LRP2: variants seen among roughly 807,000 people sequenced by gnomAD.
The protein encoded by LRP2 is low-density lipoprotein receptor-related protein 2.
LRP2 carries 172 observed loss-of-function variants against 531.0 expected under a neutral mutation model. The observed-to-expected ratio is 0.32, with a 90% CI of 0.29 to 0.37. LRP2 has a LOEUF of 0.37. Among genes scored for constraint, LRP2 ranks in the 10% least tolerant of loss-of-function variants. The pLI is 1.00. For synonymous variants in LRP2, 1,992 were observed against 2,027.6 expected, an observed-to-expected ratio of 0.98 and a Z score of 0.47; for missense variants, 5,167 against 5,868.3, an observed-to-expected ratio of 0.88 and a Z score of 3.90.
chr2:169,205,350 T>A (rs138583897), intron 41 of LRP2, 129 bp downstream of exon 41: 7 of 1,009,802 alleles, frequency 6.9e-6, no homozygotes, highest in Non-Finnish European at 1.1e-5. Context: ...TTCCTAAAAC[T>A]GTGATTCTAT....
chr2:169,170,033 A>G (rs1244745049), intron 59 of LRP2, among the ~76,000 whole-genome samples: 1 of 152,238 alleles, frequency 6.6e-6, no homozygotes, highest in Non-Finnish European at 1.5e-5. Context: ...GCTCCCTAAT[A>G]TTAAATAATC....
chr2:169,148,446 A>G (rs1350621005), intron 68 of LRP2, among the ~76,000 whole-genome samples: 1 of 152,194 alleles, frequency 6.6e-6, no homozygotes, highest in African/African-American at 2.4e-5. Flanking sequence ...AAGTTGTATC[A>G]TACCATACAT....
Position 169,334,656 on chromosome 2 carries a change from C to T in LRP2, c.80-13772G>A, listed in dbSNP as rs531519385. On this transcript the variant is annotated intron_variant, in intron 1 of 78. Coordinates refer to ENST00000649046, the MANE Select transcript of LRP2 (RefSeq NM_004525.3). ...AAGCACTGACTGTCCCTGTGTCATT[C>T]CAAACTCTAAGTTCCATGAGGGCAG... Among the ~76,000 whole-genome samples the T allele has an allele frequency of 2.0e-5, 3 of 152,332 alleles. No individual in the cohort carries two copies. The South Asian group carries it at 6.2e-4, about 32-fold the overall frequency.
At chr2:169,235,755 A>T in intron 29 of LRP2, 85 bp downstream of exon 29, 4 of 1,064,030 alleles carry the variant, frequency 3.8e-6, no homozygotes, top group Non-Finnish European at 5.7e-6. Context: ...CACAAAAATT[A>T]ATTTCTTAGC....
In LRP2 at chr2:169,238,217, T is replaced by C; in HGVS notation, c.4380A>G (p.Ser1460=). The change falls in exon 27 of 79, where the codon TCA becomes TCG. Residue 1460 remains serine (S), a synonymous_variant. Transcript: ENST00000649046. ...SVTSQVHNIY[S]LVENGSYIVA... ...CAATGTAAGAACCATTCTCGACCAATGAATAGATATTGTGGACCTGGGAGG... is the reference window on the plus strand; with the variant it reads ...CAATGTAAGAACCATTCTCGACCAACGAATAGATATTGTGGACCTGGGAGG... 6.2e-7 allele frequency: 1 copy of C among 1,614,144 alleles called. No homozygotes were observed. The highest frequency in any genetic ancestry group is 8.5e-7 in the Non-Finnish European group (1 of 1,179,994).
chr2:169,284,464 C>T (rs1381245353), intron 9 of LRP2, among the ~76,000 whole-genome samples: 1 of 151,478 alleles, frequency 6.6e-6, no homozygotes, highest in Non-Finnish European at 1.5e-5. Flanking sequence ...ACGGCATTTC[C>T]CCATGTTGGC....
At chr2:169,296,009 A>G (rs879670700) in intron 4 of LRP2, among the ~76,000 whole-genome samples, 2 of 152,114 alleles carry the variant, frequency 1.3e-5, no homozygotes, top group Non-Finnish European at 2.9e-5. Context: ...AGAGATATAA[A>G]TATATTGAAG....
At chr2:169,280,018 TTTTTACATTTTAAATG>T (rs1164274978) in intron 11 of LRP2, among the ~76,000 whole-genome samples, 2 of 152,348 alleles carry the variant, frequency 1.3e-5, no homozygotes, top group East Asian at 3.9e-4. Context: ...AGCAGTGTGC[TTTTTACATTTTAAATG>T]ATCAAATTTC....
intron 3 of LRP2, among the ~76,000 whole-genome samples, chr2:169,317,822 A>T (rs1205781580): frequency 6.6e-6 from 1 of 152,188 alleles, no homozygotes; most frequent in Non-Finnish European, 1.5e-5. Context: ...TCATGCCTAT[A>T]ATCCCAACAT....
chr2:169,140,144 C>T (rs990627), intron 72 of LRP2, among the ~76,000 whole-genome samples: 92,506 of 152,068 alleles, frequency 0.61, 30,974 homozygotes, highest in South Asian at 0.78. Flanking sequence ...GCTGCCAATT[C>T]TCTAACTCCT....
intron 2 of LRP2, among the ~76,000 whole-genome samples, 180 bp downstream of exon 2, chr2:169,320,597 G>A (rs1684884409): frequency 6.6e-6 from 1 of 152,128 alleles, no homozygotes. Context: ...ACCTCAGAAG[G>A]GAGTGAAATT....
intron 1 of LRP2, among the ~76,000 whole-genome samples, chr2:169,354,259 T>A (rs1685932383): frequency 6.6e-6 from 1 of 152,188 alleles, no homozygotes; most frequent in Admixed American, 6.5e-5. Context: ...TGTGAATCAG[T>A]AGATCAGTGA....
intron 50 of LRP2, among the ~76,000 whole-genome samples, chr2:169,185,215 G>A (rs142928080): frequency 2.0e-4 from 31 of 152,250 alleles, no homozygotes; most frequent in African/African-American, 6.3e-4. Flanking sequence ...TGCATGAATC[G>A]TCCCTTCATA....
chr2:169,162,500 A>G lies in LRP2; in HGVS notation c.11859T>C (p.Cys3953=), dbSNP rs1453879528. ...HDNVCDDADD[C]GDWSDELGCN... ...AACCCAGTTCATCGGACCAGTCACC[A>G]CAGTCATCGGCATCATCACACACAT... Residue 3953 remains cysteine, a synonymous_variant, in exon 63 of 79, where the codon TGT becomes TGC. Coordinates refer to ENST00000649046, the MANE Select transcript of LRP2 (RefSeq NM_004525.3). 3 of 1,614,222 alleles carry G rather than the reference A, an allele frequency of 1.9e-6. No homozygotes were observed. The Admixed American group carries it at 5.0e-5, about 27-fold the overall frequency.
At chr2:169,233,665 C>A in intron 29 of LRP2, 77 bp from the exon 30 acceptor site, 1 of 1,253,384 alleles carries the variant, frequency 8.0e-7, no homozygotes, top group Non-Finnish European at 1.2e-6. Flanking sequence ...AGGATATCTG[C>A]TCAAGAAGAC....
At chr2:169,158,061 TAC>T (rs61381788) in intron 63 of LRP2, among the ~76,000 whole-genome samples, 4,071 of 141,426 alleles carry the variant, frequency 0.029, 307 homozygotes, top group Admixed American at 0.18. Flanking sequence ...ATTGATTATA[TAC>T]ACACACACAC....
At chr2:169,316,206 A>T (rs1684759690) in intron 3 of LRP2, among the ~76,000 whole-genome samples, 1 of 152,000 alleles carries the variant, frequency 6.6e-6, no homozygotes, top group Non-Finnish European at 1.5e-5. Flanking sequence ...GAAGAGATTA[A>T]CTTTAGAAAT....
chr2:169,271,457 T>A (rs908923160), intron 15 of LRP2, among the ~76,000 whole-genome samples: 6 of 152,074 alleles, frequency 3.9e-5, no homozygotes, highest in African/African-American at 1.4e-4. Context: ...GGCACATGTA[T>A]ACATATGTAA....
chr2:169,294,696 C>T lies in LRP2; in HGVS notation c.442G>A (p.Glu148Lys). ...DENDCQYPTC[E>K]QLTCDNGACY... ...GCCCCATTGTCACAAGTAAGCTGCT[C>T]ACATGTTGGGTACTCTATTGTAAAA... Residue 148 changes from glutamate (E) to lysine (K), a missense_variant, in exon 5 of 79, where the codon GAG becomes AAG. Glu to Lys is a moderately conservative substitution (Grantham distance 56). Transcript: ENST00000649046. 1 of 1,294,978 alleles carries T rather than the reference C, an allele frequency of 7.7e-7. No homozygotes were observed. The highest frequency in any genetic ancestry group is 1.1e-6 in the Non-Finnish European group (1 of 903,956). 80.2% of individuals were successfully genotyped at this position (1,294,978 alleles called of 1,614,324 possible).
Sources: allele counts gnomAD v4.1 joint callset (sites outside exome capture counted in the v4.1 genomes callset), GRCh38; gene constraint gnomAD v4.1.1; transcripts MANE v1.5; gene names NCBI Gene and HGNC (gene_info 2026-07-23, HGNC 2026-07-21).